Variants in ATP2B3 observed in about 807,000 individuals in gnomAD.
ATP2B3 encodes the protein plasma membrane calcium-transporting ATPase 3.
In ATP2B3, 12 loss-of-function variants were observed where a neutral mutation model predicts 70.8. That is an observed-to-expected ratio of 0.17 (90% CI 0.11 to 0.27). The LOEUF is 0.27. Ranked by LOEUF, ATP2B3 falls within the 10% of genes least tolerant of loss-of-function variation. ATP2B3 has a pLI of 1.00. For synonymous variants in ATP2B3, 460 were observed against 497.8 expected (o/e 0.92, Z 1.01); for missense variants, 858 against 1,118.5 (o/e 0.77, Z 3.32).
intron 2 of ATP2B3, among the ~76,000 whole-genome samples, chrX:153,522,667 C>T (rs782218533): frequency 4.3e-4 from 48 of 112,296 alleles, no homozygotes; most frequent in African/African-American, 1.3e-3. Flanking sequence ...CCAGGGGCTG[C>T]GCAGATACCT....
At chrX:153,565,213 C>T (rs1284619401) in intron 21 of ATP2B3, 110 bp downstream of exon 21, 2 of 972,380 alleles carry the variant, frequency 2.1e-6, no homozygotes, top group African/African-American at 2.0e-5. Context: ...CACAGGGAAA[C>T]CCTTTGGTCT....
At chrX:153,520,287 G>A (rs1239024456) in intron 2 of ATP2B3, among the ~76,000 whole-genome samples, 6 of 112,733 alleles carry the variant, frequency 5.3e-5, no homozygotes, top group African/African-American at 1.9e-4. Flanking sequence ...CGGTAGACAG[G>A]ATGAGGGCGC....
At position 153,542,371 on chromosome X, in the gene ATP2B3, A is replaced by C. The variant is rs373218576; in HGVS notation, c.713A>C (p.Lys238Thr). 8.3e-7 allele frequency: 1 copy of C among 1,211,522 alleles called. No individual in the cohort carries two copies. The highest frequency in any genetic ancestry group is 3.0e-5 in the East Asian group (1 of 33,823). The change falls in exon 6 of 22, where the codon AAG becomes ACG. Residue 238 changes from lysine (K) to threonine (T), a missense_variant. Transcript: ENST00000263519. ...DGVLIQANDL[K>T]IDESSLTGES... ...GTGCTCATCCAGGCCAATGACCTCA[A>C]GATCGACGAGAGCTCCCTGACGGGC... is the stretch of plus-strand genomic sequence containing the variant.
At chrX:153,554,005 C>A (rs1247944225) in intron 13 of ATP2B3, among the ~76,000 whole-genome samples, 1 of 113,757 alleles carries the variant, frequency 8.8e-6, no homozygotes, top group African/African-American at 3.2e-5. Context: ...GCAGGTGCAA[C>A]CTGGGAGGAG....
intron 13 of ATP2B3, among the ~76,000 whole-genome samples, chrX:153,555,203 A>G (rs1238128084): frequency 9.0e-6 from 1 of 110,745 alleles, no homozygotes; most frequent in East Asian, 2.9e-4. Flanking sequence ...TCTCCCTGGC[A>G]AAGATCACAG....
chrX:153,563,051 T>C (rs2090648708), intron 20 of ATP2B3, among the ~76,000 whole-genome samples: 1 of 109,767 alleles, frequency 9.1e-6, no homozygotes, highest in Admixed American at 9.7e-5. Context: ...ATCACTTCCT[T>C]ACTCCAAATC....
intron 2 of ATP2B3, among the ~76,000 whole-genome samples, chrX:153,535,880 C>T (rs1052963812): frequency 2.0e-4 from 22 of 112,683 alleles, no homozygotes; most frequent in Non-Finnish European, 3.2e-4. Context: ...CGACACTTCC[C>T]CTCCCCCACC....
chrX:153,572,690 A>G (rs918565733), intron 21 of ATP2B3, among the ~76,000 whole-genome samples: 18 of 111,346 alleles, frequency 1.6e-4, no homozygotes, highest in Non-Finnish European at 2.5e-4. Flanking sequence ...CCCCAGCTCC[A>G]GGCAGCCTCC....
chrX:153,564,276 T>C (rs1043945726), intron 20 of ATP2B3, among the ~76,000 whole-genome samples: 4 of 112,846 alleles, frequency 3.5e-5, no homozygotes, highest in Non-Finnish European at 7.5e-5. Context: ...TGGAGCGACA[T>C]GCAGGGAGTA....
intron 20 of ATP2B3, among the ~76,000 whole-genome samples, chrX:153,562,479 C>T (rs180972469): frequency 1.8e-5 from 2 of 112,304 alleles, no homozygotes; most frequent in African/African-American, 6.5e-5. Context: ...CCCGCAGCTC[C>T]CCTTTCTATG....
intron 7 of ATP2B3, among the ~76,000 whole-genome samples, chrX:153,544,004 A>G (rs1444061913): frequency 1.8e-5 from 2 of 113,072 alleles, no homozygotes; most frequent in Non-Finnish European, 3.8e-5. Flanking sequence ...CCCTGAGCCC[A>G]AAGCTCCCTG....
At chrX:153,534,098 C>T (rs1322926810) in intron 2 of ATP2B3, among the ~76,000 whole-genome samples, 2 of 111,893 alleles carry the variant, frequency 1.8e-5, no homozygotes, top group Non-Finnish European at 3.8e-5. Flanking sequence ...AAAGTTGCTA[C>T]ATGGTGGGAT....
At chrX:153,553,623 G>A (rs1557012547) in intron 13 of ATP2B3, among the ~76,000 whole-genome samples, 1 of 112,014 alleles carries the variant, frequency 8.9e-6, no homozygotes, top group Non-Finnish European at 1.9e-5. Context: ...CAGGGTGGGC[G>A]TTTATTGGTT....
chrX:153,579,055 G>A (rs541369346), intron 21 of ATP2B3, among the ~76,000 whole-genome samples: 1 of 113,045 alleles, frequency 8.8e-6, no homozygotes, highest in South Asian at 3.6e-4. Context: ...ACAGTTTCTG[G>A]TTATAGCCAG....
chrX:153,564,763 G>A (rs954132799), intron 20 of ATP2B3, among the ~76,000 whole-genome samples, 158 bp from the exon 21 acceptor site: 2 of 113,254 alleles, frequency 1.8e-5, no homozygotes, highest in Admixed American at 1.8e-4. Context: ...GCCAGTTCCC[G>A]GGGGGACTGC....
Position 153,536,335 on chromosome X carries a change from A to G in ATP2B3, c.88A>G (p.Thr30Ala). The G allele has an allele frequency of 8.3e-7, 1 of 1,198,804 alleles. No homozygotes were observed. Among genetic ancestry groups the G allele is most frequent in the South Asian group, 1.8e-5 (1 of 54,804 alleles). Residue 30 changes from threonine (T) to alanine (A), a missense_variant, in exon 3 of 22, where the codon ACG (threonine) becomes GCG (alanine). Transcript: ENST00000263519. ...CCCCCAGGCTGGAGGCTTTGGGTGCACGCTGGCGGAGCTGCGCACCCTCAT... is the reference window on the plus strand; with the variant it reads ...CCCCCAGGCTGGAGGCTTTGGGTGCGCGCTGGCGGAGCTGCGCACCCTCAT... The part of the protein sequence containing the change: ...DVPQAGGFGC[T>A]LAELRTLMEL...
chrX:153,547,990 G>A lies in ATP2B3; in HGVS notation c.1114G>A (p.Gly372Arg). Residue 372 changes from glycine (G) to arginine (R), a missense_variant, in exon 9 of 22, where the codon GGG (glycine) becomes AGG (arginine). This residue lies in a region of ATP2B3 where 278 missense variants were observed against 366.2 expected (regional missense o/e 0.76). Coordinates refer to ENST00000263519, the MANE Select transcript of ATP2B3 (RefSeq NM_001001344.3). The part of the protein sequence containing the change: ...GKLTKLAVQI[G>R]KAGLVMSAIT... ...GCTCACAAAGCTAGCCGTGCAGATC[G>A]GGAAAGCAGGTAGGGACAGCAGGAG... 1 of 1,202,789 alleles carries A rather than the reference G, an allele frequency of 8.3e-7. No homozygotes were observed. Among genetic ancestry groups the A allele is most frequent in the Non-Finnish European group, 1.1e-6 (1 of 890,488 alleles).
Position 153,570,963 on chromosome X carries a change from G to A in ATP2B3, c.3342+5860G>A, listed in dbSNP as rs1488319422. On this transcript the variant is annotated intron_variant, in intron 21 of 21. Coordinates refer to ENST00000263519, the MANE Select transcript of ATP2B3 (RefSeq NM_001001344.3). ...CTCTGTCCTTTAAGGAAGGGAGGAG[G>A]CCCATCCTGTCCCCCTTGGGAACAG... Among the ~76,000 whole-genome samples the A allele has an allele frequency of 2.8e-5, 3 of 105,475 alleles. No homozygotes were observed. In the East Asian group the frequency reaches 9.0e-4, roughly 32 times the overall value. 91.6% of individuals were successfully genotyped at this position (105,475 alleles called of 115,157 possible).
chrX:153,545,094 G>A (rs2090344723), intron 7 of ATP2B3, among the ~76,000 whole-genome samples: 1 of 14,451 alleles, frequency 6.9e-5, no homozygotes, highest in African/African-American at 1.0e-4. Context: ...AGTAGGGTCG[G>A]GGGGGGGGCC....
Sources: gnomAD v4.1 joint callset for allele counts (sites outside exome capture counted in the v4.1 genomes callset) on GRCh38, gnomAD v4.1.1 for gene constraint, gnomAD v4.1.1 regional missense constraint, MANE v1.5 for transcripts, NCBI Gene and HGNC (gene_info 2026-07-23, HGNC 2026-07-21) for gene names.